BRCA1: variants seen among roughly 807,000 people sequenced by gnomAD.
BRCA1 encodes the protein BRCA1 DNA repair associated, also known as breast cancer type 1 susceptibility protein.
A neutral mutation model predicts 173.7 loss-of-function variants in BRCA1; 140 were observed. The observed-to-expected ratio is 0.81, with a 90% CI of 0.70 to 0.93. The LOEUF (loss-of-function observed/expected upper bound fraction) is 0.93, where lower values mean the gene tolerates loss of function less well. BRCA1 is among the 40% of genes least tolerant of loss of function. The pLI, the probability that BRCA1 is intolerant of heterozygous loss-of-function variation, is 0.00. For missense variants in BRCA1, 1,983 were observed against 2,172.5 expected, an observed-to-expected ratio of 0.91 and a Z score of 1.73; for synonymous variants, 662 against 756.0, an observed-to-expected ratio of 0.88 and a Z score of 2.04.
intron 1 of BRCA1, chr17:43,162,018 G>A (rs768548150): frequency 4.6e-5 from 7 of 152,110 alleles, no homozygotes; most frequent in Non-Finnish European, 8.8e-5. Flanking sequence ...ATATTTACTC[G>A]GGGATTCAGT....
chr17:43,047,138 C>T (rs998012389), intron 22 of BRCA1, among the ~76,000 whole-genome samples: 2 of 152,006 alleles, frequency 1.3e-5, no homozygotes, highest in South Asian at 4.2e-4. Context: ...CTCGCTCTGT[C>T]GCCCAGGCTG....
chr17:43,105,034 T>C (rs2054703593), intron 4 of BRCA1, 78 bp from the exon 5 acceptor site: 1 of 1,173,278 alleles, frequency 8.5e-7, no homozygotes, highest in Non-Finnish European at 1.3e-6. Context: ...AGAAAAGACA[T>C]GTAAACAAAT....
chr17:43,060,546 C>A (rs1376864226), intron 18 of BRCA1, among the ~76,000 whole-genome samples: 1 of 151,958 alleles, frequency 6.6e-6, no homozygotes, highest in African/African-American at 2.4e-5. Context: ...GGCTGGAGTG[C>A]AGTGATGCGA....
chr17:43,131,336 G>C, intron 1 of BRCA1: 1 of 471,994 alleles, frequency 2.1e-6, no homozygotes, highest in Non-Finnish European at 4.2e-6. Flanking sequence ...CCAGTGATAT[G>C]GGCTTTAATA....
In BRCA1 at chr17:43,169,999, T is replaced by C. The variant is rs772878090; in HGVS notation, c.-20+127A>G. ...GCTGCTTTAATAAGGGCATTGATCT[T>C]ATCCTCCGTAAAGGTCACCTCATAG... On this transcript the variant is annotated intron_variant, in intron 1 of 7. Coordinates refer to the BRCA1 transcript ENST00000634433. 4.8e-4 allele frequency: 224 copies of C among 465,240 alleles called. 3 individuals are homozygous for C. Among genetic ancestry groups the C allele is most frequent in the Admixed American group, 3.9e-3 (175 of 44,432 alleles). 28.8% of individuals were successfully genotyped at this position (465,240 alleles called of 1,614,324 possible).
chr17:43,076,284 G>A (rs1333873753), intron 13 of BRCA1, among the ~76,000 whole-genome samples: 5 of 151,578 alleles, frequency 3.3e-5, no homozygotes, highest in East Asian at 1.9e-4. Context: ...CTATCTAACC[G>A]CACATTTCTC....
At chr17:43,064,944 C>T (rs2051995277) in intron 16 of BRCA1, among the ~76,000 whole-genome samples, 6 of 151,456 alleles carry the variant, frequency 4.0e-5, no homozygotes, top group Admixed American at 3.3e-4. Context: ...CATTCTCCTG[C>T]CTCAGCCTCC....
chr17:43,122,149 T>C (rs2055607227), intron 2 of BRCA1, among the ~76,000 whole-genome samples: 1 of 152,204 alleles, frequency 6.6e-6, no homozygotes, highest in Admixed American at 6.5e-5. Context: ...AAACACAACA[T>C]ACATTTTCCT....
At chr17:43,170,099 G>A (rs2056316869) in intron 1 of BRCA1, 1 of 326,232 alleles carries the variant, frequency 3.1e-6, no homozygotes, top group South Asian at 2.5e-5. Context: ...GTGTGGGGCT[G>A]GGGCTGCCGG....
At chr17:43,140,568 C>T (rs1272813378) in intron 1 of BRCA1, among the ~76,000 whole-genome samples, 1 of 152,124 alleles carries the variant, frequency 6.6e-6, no homozygotes, top group Non-Finnish European at 1.5e-5. Flanking sequence ...CCTTTCCTTC[C>T]TCTTTTCTGC....
chr17:43,054,635 C>T (rs532838563), intron 19 of BRCA1, among the ~76,000 whole-genome samples: 1 of 152,102 alleles, frequency 6.6e-6, no homozygotes, highest in African/African-American at 2.4e-5. Context: ...GAGACAGGGT[C>T]TTACTATGTT....
At chr17:43,047,462 G>A (rs925348607) in intron 22 of BRCA1, among the ~76,000 whole-genome samples, 181 bp downstream of exon 22, 1 of 152,108 alleles carries the variant, frequency 6.6e-6, no homozygotes, top group African/African-American at 2.4e-5. Flanking sequence ...AACAGTTCAT[G>A]TATTACTTTT....
At position 43,074,388 on chromosome 17, in the gene BRCA1, C is replaced by G. The variant is rs80357277; in HGVS notation, c.4618G>C (p.Glu1540Gln). The change falls in exon 14 of 23, where the codon GAA becomes CAA. Residue 1540 changes from glutamate (E) to glutamine (Q), a missense_variant. Glu to Gln is a conservative substitution (Grantham distance 29, BLOSUM62 2). Transcript: ENST00000357654. ...KVVDVEEQQL[E>Q]ESGPHDLTET... ...GTCAAATCGTGTGGCCCAGACTCTT[C>G]CAGCTGTTGCTCCTCCACATCAACA... 1 of 1,614,134 alleles carries G rather than the reference C, an allele frequency of 6.2e-7. No individual in the cohort carries two copies. Among genetic ancestry groups the G allele is most frequent in the Non-Finnish European group, 8.5e-7 (1 of 1,180,014 alleles).
chr17:43,128,023 CAAAAA>C (rs61243891), upstream of BRCA1, among the ~76,000 whole-genome samples: 2 of 24,988 alleles, frequency 8.0e-5, no homozygotes, highest in African/African-American at 1.1e-4. Flanking sequence ...GACTCCATCT[CAAAAA>C]AAAAAAAAAA....
chr17:43,071,121 G>A lies in BRCA1; in HGVS notation c.4793C>T (p.Ser1598Phe), dbSNP rs2153837843. 6.2e-7 allele frequency: 1 copy of A among 1,614,226 alleles called. No homozygotes were observed. The highest frequency in any genetic ancestry group is 8.5e-7 in the Non-Finnish European group (1 of 1,180,040). ...TTTCAATTGGGGAACTTTCAATGCA[G>A]AGGTTGAAGATGGTATGTTGCCAAC... ...ARVGNIPSST[S>F]ALKVPQLKVA... Residue 1598 changes from serine (S) to phenylalanine (F), a missense_variant, in exon 15 of 23, where the codon TCT becomes TTT. By Grantham distance (155) the Ser-to-Phe change is radical. Coordinates refer to ENST00000357654, the MANE Select transcript of BRCA1 (RefSeq NM_007294.4).
At chr17:43,105,384 C>T (rs2054717663) in intron 4 of BRCA1, among the ~76,000 whole-genome samples, 1 of 152,140 alleles carries the variant, frequency 6.6e-6, no homozygotes, top group Admixed American at 6.6e-5. Flanking sequence ...GGACTATGGG[C>T]ATATGCCACC....
At chr17:43,135,898 T>A (rs1456441449) in intron 1 of BRCA1, among the ~76,000 whole-genome samples, 2 of 152,188 alleles carry the variant, frequency 1.3e-5, no homozygotes, top group Non-Finnish European at 2.9e-5. Flanking sequence ...GCGCCCGGCC[T>A]CTCACACCCT....
chr17:43,080,632 T>C (rs1364569726), intron 12 of BRCA1, among the ~76,000 whole-genome samples: 3 of 152,032 alleles, frequency 2.0e-5, no homozygotes, highest in South Asian at 2.1e-4. Flanking sequence ...TAGGGAGACC[T>C]TGTCTCTACA....
At chr17:43,085,298 T>C (rs1449521619) in intron 11 of BRCA1, among the ~76,000 whole-genome samples, 2 of 151,550 alleles carry the variant, frequency 1.3e-5, no homozygotes, top group African/African-American at 4.9e-5. Context: ...GTGGCGGAAG[T>C]GCAGTGAGCT....
Sources: gnomAD v4.1 joint callset for allele counts (sites outside exome capture counted in the v4.1 genomes callset) on GRCh38, gnomAD v4.1.1 for gene constraint, MANE v1.5 for transcripts, NCBI Gene and HGNC (gene_info 2026-07-23, HGNC 2026-07-21) for gene names.